PIP5K1B: variants seen among roughly 807,000 people sequenced by gnomAD.
PIP5K1B encodes phosphatidylinositol-4-phosphate 5-kinase type 1 beta.
In PIP5K1B, 42 loss-of-function variants were observed where a neutral mutation model predicts 67.0. The ratio of observed to expected loss-of-function variants is 0.63; its 90% CI spans 0.49 to 0.81. The LOEUF (loss-of-function observed/expected upper bound fraction) is 0.81, where lower values mean the gene tolerates loss of function less well. PIP5K1B is among the 30% of genes least tolerant of loss of function. The probability of loss-of-function intolerance (pLI) is 0.00; values close to 1 mark genes in which losing one functional copy is unlikely to be tolerated. For missense variants in PIP5K1B, 459 were observed against 646.3 expected (o/e 0.71, Z 3.14); for synonymous variants, 214 against 231.4 (o/e 0.92, Z 0.68).
At chr9:68,829,782 G>T (rs1311878657) in intron 4 of PIP5K1B, among the ~76,000 whole-genome samples, 1 of 152,152 alleles carries the variant, frequency 6.6e-6, no homozygotes, top group Non-Finnish European at 1.5e-5. Flanking sequence ...GGCTTATAGT[G>T]CTGTGAGGAT....
At chr9:68,998,526 T>C (rs1485836616) in intron 15 of PIP5K1B, among the ~76,000 whole-genome samples, 1 of 152,206 alleles carries the variant, frequency 6.6e-6, no homozygotes, top group Non-Finnish European at 1.5e-5. Context: ...GGTTTCTATT[T>C]TTGTCTTCCT....
intron 2 of PIP5K1B, among the ~76,000 whole-genome samples, chr9:68,762,391 T>C (rs1830224619): frequency 1.3e-5 from 2 of 152,122 alleles, no homozygotes; most frequent in African/African-American, 4.8e-5. Flanking sequence ...CTCATTAAAA[T>C]AGAAAAATTA....
intron 2 of PIP5K1B, chr9:68,788,744 C>A: frequency 3.7e-6 from 1 of 271,986 alleles, no homozygotes. Context: ...TGGTGACTAT[C>A]ACTCCCTCTG....
At chr9:68,916,430 A>G (rs1478354461) in intron 8 of PIP5K1B, among the ~76,000 whole-genome samples, 1 of 152,164 alleles carries the variant, frequency 6.6e-6, no homozygotes, top group African/African-American at 2.4e-5. Flanking sequence ...GAGCATTGCC[A>G]TCTCTTTTGT....
At chr9:68,933,310 AAGTT>A (rs1827096810) in intron 12 of PIP5K1B, among the ~76,000 whole-genome samples, 1 of 152,128 alleles carries the variant, frequency 6.6e-6, no homozygotes, top group African/African-American at 2.4e-5. Flanking sequence ...AAATAAATAA[AAGTT>A]AGCAGATAGA....
At chr9:68,845,079 A>T (rs909100167) in intron 4 of PIP5K1B, among the ~76,000 whole-genome samples, 2 of 152,184 alleles carry the variant, frequency 1.3e-5, no homozygotes, top group African/African-American at 4.8e-5. Flanking sequence ...AGAATTTTAG[A>T]GGAGGAAGAA....
chr9:68,888,945 G>C (rs759456209), intron 6 of PIP5K1B, 36 bp from the exon 7 acceptor site: 1 of 1,447,198 alleles, frequency 6.9e-7, no homozygotes, highest in South Asian at 1.2e-5. Context: ...CGTACATCAA[G>C]TATATGTTTT....
chr9:68,899,982 A>T (rs973827667), intron 8 of PIP5K1B, among the ~76,000 whole-genome samples: 1 of 152,156 alleles, frequency 6.6e-6, no homozygotes, highest in Non-Finnish European at 1.5e-5. Context: ...CATGTGCTCA[A>T]TGTGCAACTC....
intron 14 of PIP5K1B, among the ~76,000 whole-genome samples, chr9:68,971,123 G>A (rs1486260765): frequency 6.6e-6 from 1 of 152,084 alleles, no homozygotes; most frequent in Non-Finnish European, 1.5e-5. Context: ...TCTCCATTAG[G>A]TAATTCTCCT....
At chr9:68,759,402 A>G (rs1392798331) in intron 2 of PIP5K1B, among the ~76,000 whole-genome samples, 2 of 152,126 alleles carry the variant, frequency 1.3e-5, no homozygotes, top group Non-Finnish European at 2.9e-5. Context: ...AATTGAGTAC[A>G]GCATGTGTAT....
At chr9:68,983,837 G>C (rs1403634948) in intron 14 of PIP5K1B, among the ~76,000 whole-genome samples, 1 of 152,162 alleles carries the variant, frequency 6.6e-6, no homozygotes, top group Non-Finnish European at 1.5e-5. Flanking sequence ...GATAACTTGA[G>C]CCCAGGAGTT....
chr9:68,890,467 T>C (rs1824729659), intron 7 of PIP5K1B, among the ~76,000 whole-genome samples: 1 of 152,198 alleles, frequency 6.6e-6, no homozygotes, highest in Non-Finnish European at 1.5e-5. Context: ...AAATATCATC[T>C]TTGTTTTTAA....
chr9:68,768,082 G>T (rs1830517807), intron 2 of PIP5K1B, among the ~76,000 whole-genome samples: 2 of 152,174 alleles, frequency 1.3e-5, no homozygotes, highest in South Asian at 4.1e-4. Flanking sequence ...GAAAGTACCA[G>T]TCAGGAGATA....
rs562221410 is a variant in PIP5K1B at position 68,870,284 on chromosome 9, A to G, written c.200+6317A>G. ...TGGTTGGGGAATTTAAGCTGTCTTCAGATGCTGACTTTTACAGATTGGCTG... is the reference window on the plus strand; with the variant it reads ...TGGTTGGGGAATTTAAGCTGTCTTCGGATGCTGACTTTTACAGATTGGCTG... On this transcript the variant is annotated intron_variant, in intron 5 of 15. Transcript: ENST00000265382. 6.6e-5 allele frequency among the ~76,000 whole-genome samples: 10 copies of G among 152,354 alleles called. No homozygotes were observed. In the East Asian group the frequency reaches 1.3e-3, roughly 21 times the overall value.
At chr9:68,931,960 T>C (rs1292779565) in intron 12 of PIP5K1B, among the ~76,000 whole-genome samples, 1 of 152,216 alleles carries the variant, frequency 6.6e-6, no homozygotes, top group Non-Finnish European at 1.5e-5. Flanking sequence ...AGATCATTCC[T>C]TTAAGGAAGA....
intron 14 of PIP5K1B, among the ~76,000 whole-genome samples, chr9:68,975,579 AT>A (rs1829598291): frequency 6.6e-6 from 1 of 152,230 alleles, no homozygotes; most frequent in South Asian, 2.1e-4. Context: ...TCCTTCAGGC[AT>A]TTATACCACC....
At chr9:68,947,574 A>G (rs981959284) in intron 14 of PIP5K1B, among the ~76,000 whole-genome samples, 12 of 152,326 alleles carry the variant, frequency 7.9e-5, no homozygotes, top group Middle Eastern at 3.4e-3. Context: ...AGCTAGATAG[A>G]CACAGGATCT....
rs575198892 is a variant in PIP5K1B, at chr9:68,709,918, A to G, written c.-243+4156A>G. Among the ~76,000 whole-genome samples the G allele has an allele frequency of 2.6e-4, 40 of 152,328 alleles. No homozygotes were observed. The South Asian group carries it at 2.9e-3, about 11-fold the overall frequency. ...CAGCAAGGCCTTGTCTCAGAAAAGA[A>G]AGGAAAAGAAACACAAATGTATGCT... On this transcript the variant is annotated intron_variant, in intron 1 of 15. Coordinates refer to ENST00000265382, the MANE Select transcript of PIP5K1B (RefSeq NM_003558.4).
intron 2 of PIP5K1B, among the ~76,000 whole-genome samples, chr9:68,768,118 G>T (rs1830519483): frequency 6.6e-6 from 1 of 152,164 alleles, no homozygotes; most frequent in Non-Finnish European, 1.5e-5. Context: ...TAAATATTGG[G>T]GAGGAAGTTG....
Sources: gnomAD v4.1 joint callset for allele counts (sites outside exome capture counted in the v4.1 genomes callset) on GRCh38, gnomAD v4.1.1 for gene constraint, MANE v1.5 for transcripts, NCBI Gene and HGNC (gene_info 2026-07-23, HGNC 2026-07-21) for gene names.